The following NEXMIF variants were observed in gnomAD, a reference collection of about 807,000 sequenced individuals.
NEXMIF encodes the protein XLMR protein related to neurite extension.
A neutral mutation model predicts 62.1 loss-of-function variants in NEXMIF; 8 were observed. The ratio of observed to expected loss-of-function variants is 0.13; its 90% CI spans 0.08 to 0.23. NEXMIF has a LOEUF of 0.23. Among genes scored for constraint, NEXMIF ranks in the 10% least tolerant of loss-of-function variants. The pLI, the probability that NEXMIF is intolerant of heterozygous loss-of-function variation, is 1.00. For synonymous variants in NEXMIF, 404 were observed against 416.6 expected (o/e 0.97, Z 0.37); for missense variants, 976 against 1,113.3 (o/e 0.88, Z 1.75).
chrX:74,818,872 T>C (rs762430680), intron 1 of NEXMIF, among the ~76,000 whole-genome samples: 1 of 111,656 alleles, frequency 9.0e-6, no homozygotes, highest in East Asian at 2.8e-4. Context: ...TCACTAATCA[T>C]TAGAGAAATG....
chrX:74,918,229 T>C (rs757066919), intron 1 of NEXMIF, among the ~76,000 whole-genome samples: 2 of 111,897 alleles, frequency 1.8e-5, no homozygotes, highest in South Asian at 7.4e-4. Context: ...TGTGTAAATA[T>C]GCACTTTTCT....
chrX:74,812,533 A>C (rs745506997), intron 1 of NEXMIF, among the ~76,000 whole-genome samples: 1 of 111,821 alleles, frequency 8.9e-6, no homozygotes, highest in Non-Finnish European at 1.9e-5. Context: ...AATGAGGCTT[A>C]CTTTCTCTTC....
chrX:74,783,030 T>C (rs1001988926), intron 1 of NEXMIF, among the ~76,000 whole-genome samples: 9 of 111,324 alleles, frequency 8.1e-5, no homozygotes, highest in African/African-American at 2.9e-4. Flanking sequence ...CCTATCTAGA[T>C]CTTGCCATTG....
In NEXMIF at chrX:74,768,166, T is replaced by C. The variant is rs769354764; in HGVS notation, c.-47-22469A>G. Among the ~76,000 whole-genome samples, 8 of 111,322 alleles carry C rather than the reference T, an allele frequency of 7.2e-5. No homozygotes were observed. In the East Asian group the frequency reaches 1.7e-3, roughly 24 times the overall value. On this transcript the variant is annotated intron_variant, in intron 1 of 3. Coordinates refer to ENST00000055682, the MANE Select transcript of NEXMIF (RefSeq NM_001008537.3). ...TCTCCTGACCCAAGGGTTGCAAAGA[T>C]CCATGAAAAAAAGCATGTGTCTTCA...
chrX:74,870,001 G>A (rs754313232), intron 1 of NEXMIF, among the ~76,000 whole-genome samples: 1 of 111,085 alleles, frequency 9.0e-6, no homozygotes, highest in South Asian at 3.8e-4. Flanking sequence ...AACAGACCCA[G>A]AATAGCCAAA....
intron 1 of NEXMIF, among the ~76,000 whole-genome samples, chrX:74,831,566 G>A (rs1017644245): frequency 9.0e-6 from 1 of 110,500 alleles, no homozygotes; most frequent in African/African-American, 3.3e-5. Context: ...GTGTATATGT[G>A]CCAAATTTTC....
chrX:74,848,524 T>C (rs1418709646), intron 1 of NEXMIF, among the ~76,000 whole-genome samples: 6 of 112,381 alleles, frequency 5.3e-5, no homozygotes, highest in African/African-American at 1.9e-4. Context: ...TTTGTCCAAA[T>C]AAGGTAACAT....
chrX:74,770,573 A>G (rs2080206966), intron 1 of NEXMIF, among the ~76,000 whole-genome samples: 1 of 112,042 alleles, frequency 8.9e-6, no homozygotes, highest in Non-Finnish European at 1.9e-5. Flanking sequence ...CCTTTTTGCA[A>G]AGTCAGTATT....
Position 74,778,246 on chromosome X carries a change from T to C in NEXMIF, c.-47-32549A>G, listed in dbSNP as rs999691574. On this transcript the variant is annotated intron_variant, in intron 1 of 3. Coordinates refer to ENST00000055682, the MANE Select transcript of NEXMIF (RefSeq NM_001008537.3). ...CATGGTGCCTGATTCCTCTTATAAA[T>C]ATTCATAGATTTTTCCCAACCTAAC... 5.4e-5 allele frequency among the ~76,000 whole-genome samples: 6 copies of C among 111,765 alleles called. 1 individual carries two copies. In the Admixed American group the frequency reaches 5.7e-4, roughly 11 times the overall value.
intron 1 of NEXMIF, among the ~76,000 whole-genome samples, chrX:74,924,424 C>T (rs1172408303): frequency 8.8e-6 from 1 of 113,311 alleles, no homozygotes; most frequent in Non-Finnish European, 1.9e-5. Flanking sequence ...GGCTTCGCAC[C>T]TTTGCGGCTT....
intron 1 of NEXMIF, among the ~76,000 whole-genome samples, chrX:74,835,155 T>G (rs761731318): frequency 9.8e-5 from 11 of 112,061 alleles, no homozygotes; most frequent in African/African-American, 1.9e-4. Flanking sequence ...TGATTCTTTT[T>G]AATTATTTTA....
At chrX:74,791,024 G>A (rs1404573970) in intron 1 of NEXMIF, among the ~76,000 whole-genome samples, 2 of 110,783 alleles carry the variant, frequency 1.8e-5, no homozygotes. Context: ...TTGAATAGGA[G>A]TGGTGAGAGA....
chrX:74,832,430 G>A (rs927905501), intron 1 of NEXMIF, among the ~76,000 whole-genome samples: 1 of 111,020 alleles, frequency 9.0e-6, no homozygotes, highest in Admixed American at 9.6e-5. Context: ...TTACATTCCC[G>A]TGGTATCAGT....
chrX:74,863,703 T>C (rs1459517856), intron 1 of NEXMIF, among the ~76,000 whole-genome samples: 1 of 111,965 alleles, frequency 8.9e-6, no homozygotes, highest in Non-Finnish European at 1.9e-5. Context: ...CTGGTACCAT[T>C]TCTTCTGAAA....
chrX:74,905,370 C>T (rs920415235), intron 1 of NEXMIF, among the ~76,000 whole-genome samples: 1 of 111,712 alleles, frequency 9.0e-6, no homozygotes, highest in African/African-American at 3.2e-5. Context: ...TATCTTAGTG[C>T]TTGCTTCTGA....
chrX:74,743,150 A>G lies in NEXMIF; in HGVS notation c.1407T>C (p.Ser469=), dbSNP rs776649327. The G allele has an allele frequency of 8.3e-7, 1 of 1,211,353 alleles. No individual in the cohort carries two copies. The highest frequency in any genetic ancestry group is 1.1e-6 in the Non-Finnish European group (1 of 895,438). Residue 469 remains serine, a synonymous_variant, in exon 3 of 4, where the codon TCT becomes TCC. Coordinates refer to ENST00000055682, the MANE Select transcript of NEXMIF (RefSeq NM_001008537.3). The part of the protein sequence containing the change: ...CSRYMARDTN[S]GSSSSQQNYG... ...AGTTCTGTTGGGAGGAGGAGCTGCC[A>G]GAATTAGTGTCCCGAGCCATATAGC...
chrX:74,841,613 G>A (rs2080474191), intron 1 of NEXMIF, among the ~76,000 whole-genome samples: 1 of 111,668 alleles, frequency 9.0e-6, no homozygotes, highest in Non-Finnish European at 1.9e-5. Flanking sequence ...TTGGCTGTGG[G>A]ACTGTCATAG....
chrX:74,837,827 A>G (rs1211773043), intron 1 of NEXMIF, among the ~76,000 whole-genome samples: 1 of 111,912 alleles, frequency 8.9e-6, no homozygotes, highest in Non-Finnish European at 1.9e-5. Flanking sequence ...TCAGATTCTT[A>G]TAAGAAAGAA....
chrX:74,874,049 A>C lies in NEXMIF; in HGVS notation c.-48+50834T>G, dbSNP rs1423014185. Among the ~76,000 whole-genome samples the C allele has an allele frequency of 3.3e-3, 357 of 109,327 alleles. 3 individuals carry two copies. Among genetic ancestry groups the C allele is most frequent in the African/African-American group, 0.011 (318 of 29,991 alleles). The allele number at this position is 109,327 out of a possible 115,157, so 94.9% of individuals were successfully genotyped here. On this transcript the variant is annotated intron_variant, in intron 1 of 3. Transcript: ENST00000055682. ...TTGTTGCCATTGCTTTTGGTGTTTT[A>C]GACATGAAGTCCTTGCCCATGCCTA...
Sources: allele counts gnomAD v4.1 joint callset (sites outside exome capture counted in the v4.1 genomes callset), GRCh38; gene constraint gnomAD v4.1.1; transcripts MANE v1.5; gene names NCBI Gene and HGNC (gene_info 2026-07-23, HGNC 2026-07-21).